CDIN1: variants seen among roughly 807,000 people sequenced by gnomAD.
CDIN1 encodes CDAN1 interacting nuclease 1, also known as CDAN1-interacting nuclease 1.
CDIN1 carries 33 observed loss-of-function variants against 45.3 expected under a neutral mutation model. The ratio of observed to expected loss-of-function variants is 0.73; its 90% CI spans 0.55 to 0.97. CDIN1 has a LOEUF of 0.97. Ranked by LOEUF, CDIN1 falls within the 50% of genes least tolerant of loss-of-function variation. The pLI is 0.00. For synonymous variants in CDIN1, 118 were observed against 124.4 expected (o/e 0.95, Z 0.34); for missense variants, 303 against 339.4 (o/e 0.89, Z 0.84).
intron 10 of CDIN1, among the ~76,000 whole-genome samples, chr15:36,800,899 G>GTATATATATATATATA (rs1467289662): frequency 3.9e-5 from 1 of 25,820 alleles, no homozygotes; most frequent in African/African-American, 1.2e-4. Flanking sequence ...GTGTGTGTGT[G>GTATATATATATATATA]TGTGTGTGTG....
chr15:36,619,344 G>T (rs963088259), intron 1 of CDIN1: 14 of 473,328 alleles, frequency 3.0e-5, no homozygotes, highest in African/African-American at 2.6e-4. Context: ...AACTGTTTTG[G>T]AGGGGAGAGG....
chr15:36,614,952 T>G (rs958505911), intron 1 of CDIN1, among the ~76,000 whole-genome samples: 2 of 152,070 alleles, frequency 1.3e-5, no homozygotes, highest in African/African-American at 4.8e-5. Flanking sequence ...CCCCTTATGT[T>G]GAGGTAACCA....
chr15:36,661,628 C>G (rs2041018008), intron 5 of CDIN1, among the ~76,000 whole-genome samples: 1 of 152,126 alleles, frequency 6.6e-6, no homozygotes, highest in Non-Finnish European at 1.5e-5. Flanking sequence ...ACCTTTCCAT[C>G]TTAACTTTTA....
At chr15:36,733,132 G>C (rs1029317396) in intron 10 of CDIN1, among the ~76,000 whole-genome samples, 6 of 152,006 alleles carry the variant, frequency 3.9e-5, no homozygotes, top group African/African-American at 1.4e-4. Context: ...AAATGAATTA[G>C]AGAGTTTATA....
intron 1 of CDIN1, among the ~76,000 whole-genome samples, chr15:36,639,823 A>G (rs1346648490): frequency 6.6e-6 from 1 of 152,200 alleles, no homozygotes; most frequent in African/African-American, 2.4e-5. Flanking sequence ...ACGTTCAATT[A>G]TATATTTGAC....
intron 1 of CDIN1, among the ~76,000 whole-genome samples, chr15:36,625,144 G>A (rs1183075038): frequency 2.0e-5 from 3 of 152,150 alleles, no homozygotes; most frequent in African/African-American, 7.2e-5. Context: ...AGCCGGGTGT[G>A]GTGGCGGGCA....
At chr15:36,682,773 A>G (rs1421322411) in intron 5 of CDIN1, among the ~76,000 whole-genome samples, 1 of 143,334 alleles carries the variant, frequency 7.0e-6, no homozygotes, top group Non-Finnish European at 1.6e-5. Context: ...CTGCCAAAAA[A>G]AAAAAAAAAA....
intron 10 of CDIN1, among the ~76,000 whole-genome samples, chr15:36,794,098 A>G (rs1213240511): frequency 8.0e-6 from 1 of 124,768 alleles, no homozygotes; most frequent in African/African-American, 2.8e-5. Context: ...TTGCTCTGTC[A>G]CCCAGGCTGG....
At chr15:36,627,755 C>T (rs1379861910) in intron 1 of CDIN1, 1 of 152,402 alleles carries the variant, frequency 6.6e-6, no homozygotes, top group Non-Finnish European at 1.5e-5. Flanking sequence ...CCAACCATCA[C>T]CAGGGCCAGG....
chr15:36,730,198 T>C (rs1439028785), intron 10 of CDIN1, among the ~76,000 whole-genome samples: 1 of 152,152 alleles, frequency 6.6e-6, no homozygotes, highest in Non-Finnish European at 1.5e-5. Flanking sequence ...ATTAGGACCA[T>C]TAAAATTAAA....
intron 10 of CDIN1, among the ~76,000 whole-genome samples, chr15:36,754,565 T>C (rs2053557491): frequency 7.7e-6 from 1 of 130,704 alleles, no homozygotes; most frequent in Non-Finnish European, 1.6e-5. Context: ...ATGGTCTCTC[T>C]TAAAAAAAAA....
intron 10 of CDIN1, among the ~76,000 whole-genome samples, chr15:36,801,052 G>A (rs766034059): frequency 2.3e-4 from 34 of 150,088 alleles, no homozygotes; most frequent in Admixed American, 5.3e-4. Flanking sequence ...GTTTGATGAA[G>A]ACCCTCATGA....
chr15:36,624,467 A>T (rs549464464), intron 1 of CDIN1, among the ~76,000 whole-genome samples: 2 of 152,200 alleles, frequency 1.3e-5, no homozygotes, highest in African/African-American at 4.8e-5. Context: ...TTGTAGAATA[A>T]TTATAGTCCA....
At chr15:36,639,468 G>A (rs1488139113) in intron 1 of CDIN1, among the ~76,000 whole-genome samples, 1 of 152,102 alleles carries the variant, frequency 6.6e-6, no homozygotes, top group Non-Finnish European at 1.5e-5. Context: ...AGCCGGGCGT[G>A]GTGGCAGCTA....
At chr15:36,661,411 T>C (rs1405319429) in intron 5 of CDIN1, among the ~76,000 whole-genome samples, 1 of 152,060 alleles carries the variant, frequency 6.6e-6, no homozygotes, top group African/African-American at 2.4e-5. Context: ...GAGACTCTGT[T>C]TGGATGTGTT....
At chr15:36,646,336 A>T (rs1159077012) in intron 3 of CDIN1, among the ~76,000 whole-genome samples, 6 of 152,190 alleles carry the variant, frequency 3.9e-5, no homozygotes, top group African/African-American at 1.4e-4. Context: ...AAAAAAAATT[A>T]TTCACTGCTA....
intron 10 of CDIN1, among the ~76,000 whole-genome samples, chr15:36,780,980 G>A (rs577533435): frequency 2.6e-5 from 4 of 152,194 alleles, no homozygotes; most frequent in Admixed American, 6.5e-5. Context: ...TTTGCATACC[G>A]TTTCAAAAGG....
chr15:36,636,238 C>G (rs2039892810), intron 1 of CDIN1, among the ~76,000 whole-genome samples: 1 of 152,094 alleles, frequency 6.6e-6, no homozygotes, highest in African/African-American at 2.4e-5. Flanking sequence ...ATCAACAAAT[C>G]TGCACTGATG....
chr15:36,782,715 AATTT>A (rs1204929187), intron 10 of CDIN1, among the ~76,000 whole-genome samples: 1 of 152,188 alleles, frequency 6.6e-6, no homozygotes, highest in Non-Finnish European at 1.5e-5. Context: ...TGAATGAAAT[AATTT>A]ATTATAGAAA....
Sources: allele counts gnomAD v4.1 joint callset (sites outside exome capture counted in the v4.1 genomes callset), GRCh38; gene constraint gnomAD v4.1.1; transcripts MANE v1.5; gene names NCBI Gene and HGNC (gene_info 2026-07-23, HGNC 2026-07-21).